The following PTPRE variants were observed in gnomAD, a reference collection of about 807,000 sequenced individuals.
PTPRE encodes the protein protein tyrosine phosphatase receptor type E.
In PTPRE, 51 loss-of-function variants were observed where a neutral mutation model predicts 102.0. The observed-to-expected ratio is 0.50, with a 90% CI of 0.40 to 0.63. The LOEUF (loss-of-function observed/expected upper bound fraction) is 0.63, where lower values mean the gene tolerates loss of function less well. Ranked by LOEUF, PTPRE falls within the 30% of genes least tolerant of loss-of-function variation. The pLI is 0.00. For synonymous variants in PTPRE, 345 were observed against 348.2 expected, an observed-to-expected ratio of 0.99 and a Z score of 0.10; for missense variants, 752 against 915.1, an observed-to-expected ratio of 0.82 and a Z score of 2.30.
At chr10:128,026,471 G>A (rs917588120) in intron 2 of PTPRE, among the ~76,000 whole-genome samples, 4 of 152,234 alleles carry the variant, frequency 2.6e-5, no homozygotes, top group African/African-American at 9.6e-5. Context: ...GCTCGGGCTT[G>A]TCCGGAGCAT....
intron 1 of PTPRE, among the ~76,000 whole-genome samples, chr10:127,961,496 A>G (rs1375712381): frequency 6.6e-6 from 1 of 152,168 alleles, no homozygotes; most frequent in Middle Eastern, 3.2e-3. Context: ...AGGACAGGGA[A>G]GGAGGGCCCC....
chr10:127,914,630 T>C (rs994626583), intron 1 of PTPRE, among the ~76,000 whole-genome samples: 1 of 152,216 alleles, frequency 6.6e-6, no homozygotes, highest in African/African-American at 2.4e-5. Flanking sequence ...GCTAGTGAAT[T>C]CAACTAACAG....
intron 1 of PTPRE, among the ~76,000 whole-genome samples, chr10:127,913,790 T>C (rs71474230): frequency 0.12 from 18,256 of 152,242 alleles, 1,193 homozygotes; most frequent in Middle Eastern, 0.14. Flanking sequence ...ATTAAGAGGC[T>C]GGCCTCAGAG....
chr10:127,980,020 G>C (rs570323047), intron 1 of PTPRE, among the ~76,000 whole-genome samples: 8 of 152,122 alleles, frequency 5.3e-5, no homozygotes, highest in African/African-American at 1.7e-4. Context: ...ACTCTTTTTA[G>C]CATCTTTTCT....
intron 1 of PTPRE, among the ~76,000 whole-genome samples, chr10:127,945,868 G>A (rs763005760): frequency 5.9e-5 from 9 of 152,076 alleles, no homozygotes; most frequent in Non-Finnish European, 1.0e-4. Context: ...ACATCATGGA[G>A]TTCTCTTCTG....
At chr10:127,910,567 C>T (rs936925106) in intron 1 of PTPRE, among the ~76,000 whole-genome samples, 2 of 152,218 alleles carry the variant, frequency 1.3e-5, no homozygotes, top group African/African-American at 4.8e-5. Context: ...ACTTTGGGTT[C>T]AGTCAGTCAA....
At position 128,040,812 on chromosome 10, in the gene PTPRE, GGCACCGGAGGGTCCCACA is replaced by G. The variant is rs1847623448; in HGVS notation, c.-7-60_-7-43del. On this transcript the variant is annotated intron_variant, in intron 2 of 20. Coordinates refer to ENST00000254667, the MANE Select transcript of PTPRE (RefSeq NM_006504.6). Reference sequence around the variant, plus strand: ...GCTCTTCTCCTCATCATCACTGCCTGGCACCGGAGGGTCCCACAGCTGCTGCTGGATGACCTCTGAGCC... The same window carrying G: ...GCTCTTCTCCTCATCATCACTGCCTGGCTGCTGCTGGATGACCTCTGAGCC... 3.8e-6 allele frequency: 5 copies of G among 1,302,536 alleles called. No individual in the cohort carries two copies. In the East Asian group the frequency reaches 1.2e-4, roughly 31 times the overall value. The allele number at this position is 1,302,536 out of a possible 1,614,324, so 80.7% of individuals were successfully genotyped here.
rs554352100 is a variant in PTPRE at position 127,979,047 on chromosome 10, T to A, written c.-30-3227T>A. Among the ~76,000 whole-genome samples, 31 of 152,078 alleles carry A rather than the reference T, an allele frequency of 2.0e-4. 1 individual carries two copies. The South Asian group carries it at 6.4e-3, about 32-fold the overall frequency. On this transcript the variant is annotated intron_variant, in intron 1 of 20. Coordinates refer to ENST00000254667, the MANE Select transcript of PTPRE (RefSeq NM_006504.6). ...AAAAATAAATAAACAAATAAAAATT[T>A]AAAAATAATAAAGTGGGTCTTGCCT... is the stretch of plus-strand genomic sequence containing the variant.
intron 6 of PTPRE, among the ~76,000 whole-genome samples, chr10:128,055,526 T>A (rs1848880157): frequency 6.6e-6 from 1 of 152,076 alleles, no homozygotes; most frequent in Non-Finnish European, 1.5e-5. Context: ...GTCTGGGGTG[T>A]GGACAGAGCA....
At position 128,078,727 on chromosome 10, in the gene PTPRE, A is replaced by G. The variant is rs144692665; in HGVS notation, c.1893-833A>G. ...TTGGTTTTCCTGGTGCCTTCCAAGA[A>G]ATCATTTAGGATAAACTTGAAATGA... On this transcript the variant is annotated intron_variant, in intron 19 of 20. Transcript: ENST00000254667. Among the ~76,000 whole-genome samples the G allele has an allele frequency of 5.6e-4, 86 of 152,332 alleles. 1 individual carries two copies. In the East Asian group the frequency reaches 0.012, roughly 21 times the overall value.
At position 128,069,705 on chromosome 10, in the gene PTPRE, C is replaced by T; in HGVS notation, c.1021C>T (p.Arg341Trp). Residue 341 changes from arginine (R) to tryptophan (W), a missense_variant, in exon 13 of 21, where the codon CGG (arginine) becomes TGG (tryptophan). By Grantham distance (101) the Arg-to-Trp change is moderately radical. Transcript: ENST00000254667. ...IVVHCSAGVGRTGTFIVIDAM... is the reference protein window; with the variant it reads ...IVVHCSAGVGWTGTFIVIDAM... ...CTTTCCCCAAAGCGCGGGCGTGGGC[C>T]GGACGGGCACCTTCATTGTGATCGA... 5 of 1,614,204 alleles carry T rather than the reference C, an allele frequency of 3.1e-6. No homozygotes were observed. Among genetic ancestry groups the T allele is most frequent in the Non-Finnish European group, 4.2e-6 (5 of 1,180,030 alleles).
At position 128,023,414 on chromosome 10, in the gene PTPRE, G is replaced by A. The variant is rs183948017; in HGVS notation, c.-7-17461G>A. Among the ~76,000 whole-genome samples, 11 of 151,858 alleles carry A rather than the reference G, an allele frequency of 7.2e-5. No individual in the cohort carries two copies. In the East Asian group the frequency reaches 1.7e-3, roughly 24 times the overall value. Reference sequence around the variant, plus strand: ...TATATACATAGTACGTATAGAAAACGGCATAGTAACTGGTCTAAAATAGGT... The same window carrying A: ...TATATACATAGTACGTATAGAAAACAGCATAGTAACTGGTCTAAAATAGGT... On this transcript the variant is annotated intron_variant, in intron 2 of 20. Coordinates refer to ENST00000254667, the MANE Select transcript of PTPRE (RefSeq NM_006504.6).
chr10:128,070,150 C>T lies in PTPRE; in HGVS notation c.1144-151C>T, dbSNP rs1026697716. 7 of 911,180 alleles carry T rather than the reference C, an allele frequency of 7.7e-6. No individual in the cohort carries two copies. Among genetic ancestry groups the T allele is most frequent in the South Asian group, 3.5e-5 (2 of 57,026 alleles). 56.4% of individuals were successfully genotyped at this position (911,180 alleles called of 1,614,324 possible). On this transcript the variant is annotated intron_variant, in intron 13 of 20. Coordinates refer to ENST00000254667, the MANE Select transcript of PTPRE (RefSeq NM_006504.6). The surrounding 1 kb of genome is among the most constrained non-coding windows in gnomAD (Gnocchi z 4.8). ...CTCAAGGGCATAAATGGTCGTTATC[C>T]GTGGCCGGTACTCTGACTCTTGCCT...
chr10:127,915,751 T>C (rs1314631104), intron 1 of PTPRE, among the ~76,000 whole-genome samples: 1 of 152,226 alleles, frequency 6.6e-6, no homozygotes, highest in East Asian at 1.9e-4. Flanking sequence ...GAGTCTGTAA[T>C]ATCATTTAGA....
chr10:128,068,273 G>C lies in PTPRE; in HGVS notation c.994G>C (p.Val332Leu). The C allele has an allele frequency of 6.2e-7, 1 of 1,613,452 alleles. No individual in the cohort carries two copies. ...TLNPVHAGPI[V>L]VHCSAGVGRT... ...CAACCCCGTGCACGCTGGGCCCATC[G>C]TGGTCCACTGTAGGTACGCTGTGGG... Residue 332 changes from valine (V) to leucine (L), a missense_variant, in exon 12 of 21, where the codon GTG (valine) becomes CTG (leucine). Physicochemically the swap from Val to Leu is conservative, Grantham distance 32 (BLOSUM62 1). Coordinates refer to ENST00000254667, the MANE Select transcript of PTPRE (RefSeq NM_006504.6).
chr10:128,076,052 A>G (rs926256793), intron 17 of PTPRE, among the ~76,000 whole-genome samples: 5 of 152,216 alleles, frequency 3.3e-5, no homozygotes, highest in South Asian at 2.1e-4. Flanking sequence ...CTGTAATCCA[A>G]TGTTTCAAAT....
At chr10:127,960,715 G>T (rs1331301866) in intron 1 of PTPRE, among the ~76,000 whole-genome samples, 8 of 152,136 alleles carry the variant, frequency 5.3e-5, no homozygotes, top group African/African-American at 1.9e-4. Context: ...GTCCAAATAC[G>T]TGAGGCTTTT....
intron 1 of PTPRE, among the ~76,000 whole-genome samples, chr10:127,980,294 A>T: frequency 6.7e-6 from 1 of 150,284 alleles, no homozygotes. Flanking sequence ...TATATAGACT[A>T]TCTTTTAAAT....
At chr10:128,048,698 C>A (rs1055961184) in intron 5 of PTPRE, among the ~76,000 whole-genome samples, 1 of 152,088 alleles carries the variant, frequency 6.6e-6, no homozygotes, top group Non-Finnish European at 1.5e-5. Context: ...ATAGCAGGAA[C>A]GGAAGGGAGG....
Sources: gnomAD v4.1 joint callset for allele counts (sites outside exome capture counted in the v4.1 genomes callset) on GRCh38, gnomAD v4.1.1 for gene constraint, Gnocchi (gnomAD v3.1) non-coding constraint, MANE v1.5 for transcripts, NCBI Gene and HGNC (gene_info 2026-07-23, HGNC 2026-07-21) for gene names.